The following PIK3R4 variants were observed in gnomAD, a reference collection of about 807,000 sequenced individuals.
PIK3R4 encodes the protein phosphoinositide 3-kinase regulatory subunit 4.
PIK3R4 carries 46 observed loss-of-function variants against 136.5 expected under a neutral mutation model. That is an observed-to-expected ratio of 0.34 (90% CI 0.27 to 0.43). PIK3R4 has a LOEUF of 0.43. PIK3R4 is among the 20% of genes least tolerant of loss of function. The pLI is 1.00. For missense variants in PIK3R4, 1,331 were observed against 1,649.5 expected, an observed-to-expected ratio of 0.81 and a Z score of 3.35; for synonymous variants, 557 against 566.7, an observed-to-expected ratio of 0.98 and a Z score of 0.24.
rs2066729049 is a variant in PIK3R4 at position 130,725,968 on chromosome 3, G to A, written c.1808-2381C>T. The A allele has an allele frequency of 3.3e-5, 5 of 152,208 alleles. No individual in the cohort carries two copies. The South Asian group carries it at 1.0e-3, about 32-fold the overall frequency. 9.4% of individuals were successfully genotyped at this position (152,208 alleles called of 1,614,324 possible). On this transcript the variant is annotated intron_variant, in intron 6 of 19. Transcript: ENST00000356763. Reference sequence around the variant, plus strand: ...TGGGTGTGCAGCACTTAACGGAGATGGGGATGCAAAATGATATCATCTTTT... The same window carrying A: ...TGGGTGTGCAGCACTTAACGGAGATAGGGATGCAAAATGATATCATCTTTT...
intron 9 of PIK3R4, among the ~76,000 whole-genome samples, chr3:130,714,566 G>A (rs959464874): frequency 6.6e-6 from 1 of 152,108 alleles, no homozygotes; most frequent in African/African-American, 2.4e-5. Context: ...ATGGTGGTTT[G>A]CTTCACCTAC....
At chr3:130,699,737 A>T (rs2107605478) in intron 13 of PIK3R4, among the ~76,000 whole-genome samples, 1 of 152,298 alleles carries the variant, frequency 6.6e-6, no homozygotes, top group South Asian at 2.1e-4. Context: ...TGCTTTTCTT[A>T]AACCTAATTT....
rs759678795 is a variant in PIK3R4 at position 130,680,619 on chromosome 3, A to G, written c.3900T>C (p.Val1300=). ...AATGAAAAGACTACAGTACCTGGAC[A>G]ACTTCAGTGCCTTCAATTATTTTCC... ...YYRKIIEGTE[V]VQEIQNKQKV... is the part of the protein sequence containing the mutation. The change falls in exon 19 of 20, where the codon GTT becomes GTC. Residue 1300 remains valine, a synonymous_variant. Coordinates refer to ENST00000356763, the MANE Select transcript of PIK3R4 (RefSeq NM_014602.3). 2 of 1,577,682 alleles carry G rather than the reference A, an allele frequency of 1.3e-6. No individual in the cohort carries two copies. Among genetic ancestry groups the G allele is most frequent in the East Asian group, 4.5e-5 (2 of 44,654 alleles).
chr3:130,681,069 A>T lies in PIK3R4; in HGVS notation c.3709-4T>A, dbSNP rs757574887. The stretch of plus-strand genomic sequence containing the variant: ...CATGGACGCTATGAGGAGAAGGCTT[A>T]AAAGAAATAGATGTGGAGTCAAATA... On this transcript the variant is annotated splice_region_variant and splice_polypyrimidine_tract_variant and intron_variant, in intron 17 of 19. Transcript: ENST00000356763. The T allele has an allele frequency of 2.0e-6, 3 of 1,497,636 alleles. 1 individual carries two copies. In the East Asian group the frequency reaches 6.8e-5, roughly 34 times the overall value. 92.8% of individuals were successfully genotyped at this position (1,497,636 alleles called of 1,614,324 possible).
At chr3:130,728,812 C>T (rs1576461968) in intron 5 of PIK3R4, 128 bp from the exon 6 acceptor site, 1 of 596,734 alleles carries the variant, frequency 1.7e-6, no homozygotes, top group East Asian at 3.2e-5. Flanking sequence ...ACAGAATCCA[C>T]CGAAGACTTT....
In PIK3R4 at chr3:130,680,671, G is replaced by A. The variant is rs2066452209; in HGVS notation, c.3848C>T (p.Thr1283Ile). The change falls in exon 19 of 20, where the codon ACT becomes ATT. Residue 1283 changes from threonine (T) to isoleucine (I), a missense_variant. By Grantham distance (89) the Thr-to-Ile change is moderately conservative. This residue lies in a region of PIK3R4 where 1,180 missense variants were observed against 1,407.0 expected (regional missense o/e 0.84). Transcript: ENST00000356763. The stretch of plus-strand genomic sequence containing the variant: ...GTAGTAGGACACAGATGGGGAACTA[G>A]TACTTCCTGCAACAACATAGGACCT... Reference protein sequence around the residue: ...PERSYVVAGSTSSPSVSYYRK... With the variant: ...PERSYVVAGSISSPSVSYYRK... 1 of 1,613,198 alleles carries A rather than the reference G, an allele frequency of 6.2e-7. No homozygotes were observed. The highest frequency in any genetic ancestry group is 8.5e-7 in the Non-Finnish European group (1 of 1,179,330).
chr3:130,684,446 C>G, intron 15 of PIK3R4, 65 bp from the exon 16 acceptor site: 1 of 1,409,576 alleles, frequency 7.1e-7, no homozygotes, highest in Non-Finnish European at 9.9e-7. Flanking sequence ...TGCATTTATA[C>G]AAATGAAAAA....
At chr3:130,704,485 T>C (rs968414475) in intron 12 of PIK3R4, among the ~76,000 whole-genome samples, 1 of 152,222 alleles carries the variant, frequency 6.6e-6, no homozygotes, top group African/African-American at 2.4e-5. Context: ...TTTACCAGCA[T>C]TTTCCCCAAG....
chr3:130,737,634 T>C (rs1413748550), intron 2 of PIK3R4, among the ~76,000 whole-genome samples: 3 of 152,092 alleles, frequency 2.0e-5, no homozygotes, highest in Admixed American at 1.3e-4. Context: ...CACTCCAGCC[T>C]GGGCAACAGA....
At position 130,690,479 on chromosome 3, in the gene PIK3R4, A is replaced by C; in HGVS notation, c.3263+11T>G. On this transcript the variant is annotated intron_variant, in intron 14 of 19. Transcript: ENST00000356763. ...AAATACAATGTTTAAGAAAGACAAA[A>C]GATAAGATACCTGCTTTGTAGAGGA... The C allele has an allele frequency of 6.3e-7, 1 of 1,599,816 alleles. No individual in the cohort carries two copies. The highest frequency in any genetic ancestry group is 8.5e-7 in the Non-Finnish European group (1 of 1,171,670).
At position 130,730,331 on chromosome 3, in the gene PIK3R4, T is replaced by A. The variant is rs2066754626; in HGVS notation, c.1562A>T (p.His521Leu). Residue 521 changes from histidine to leucine, a missense_variant, in exon 5 of 20, where the codon CAT (histidine) becomes CTT (leucine). By Grantham distance (99) the His-to-Leu change is moderately conservative (BLOSUM62 -3). Transcript: ENST00000356763. Reference sequence around the variant, plus strand: ...ACCTGTGTCATAATTTCCATTTGGATGTGTAACCTCATCTATTTCTTCATT... The same window carrying A: ...ACCTGTGTCATAATTTCCATTTGGAAGTGTAACCTCATCTATTTCTTCATT... ...PNNEEIDEVTHPNGNYDTELQ... is the reference protein window; with the variant it reads ...PNNEEIDEVTLPNGNYDTELQ... The A allele has an allele frequency of 1.3e-6, 2 of 1,593,372 alleles. No homozygotes were observed. The highest frequency in any genetic ancestry group is 2.7e-5 in the African/African-American group (2 of 73,764).
intron 13 of PIK3R4, among the ~76,000 whole-genome samples, chr3:130,696,076 T>C (rs1297965191): frequency 1.3e-5 from 2 of 152,206 alleles, no homozygotes; most frequent in Non-Finnish European, 2.9e-5. Flanking sequence ...CAATTGTTCA[T>C]GGTATTCCTT....
At chr3:130,683,919 T>C (rs2066473661) in intron 16 of PIK3R4, among the ~76,000 whole-genome samples, 1 of 151,868 alleles carries the variant, frequency 6.6e-6, no homozygotes, top group African/African-American at 2.4e-5. Flanking sequence ...CAACAAGAAA[T>C]TGCAACAAAG....
chr3:130,745,407 G>A (rs987229722), intron 1 of PIK3R4, 143 bp from the exon 2 acceptor site: 1 of 481,156 alleles, frequency 2.1e-6, no homozygotes. Flanking sequence ...TAGCCTTCTG[G>A]GGCAGCCTCT....
intron 12 of PIK3R4, among the ~76,000 whole-genome samples, 185 bp from the exon 13 acceptor site, chr3:130,704,073 A>G (rs551225758): frequency 2.6e-5 from 4 of 152,218 alleles, no homozygotes; most frequent in Non-Finnish European, 5.9e-5. Flanking sequence ...TTACTGAGAC[A>G]TCAATTTGGC....
At chr3:130,704,768 G>A (rs2066597096) in intron 12 of PIK3R4, among the ~76,000 whole-genome samples, 1 of 152,018 alleles carries the variant, frequency 6.6e-6, no homozygotes, top group Non-Finnish European at 1.5e-5. Flanking sequence ...AAATTTTAAT[G>A]TTGATCATCG....
chr3:130,739,572 C>T (rs1427949479), intron 2 of PIK3R4, among the ~76,000 whole-genome samples: 1 of 151,920 alleles, frequency 6.6e-6, no homozygotes, highest in Non-Finnish European at 1.5e-5. Flanking sequence ...AGGGTTTCAC[C>T]ATATTGTCCA....
At position 130,744,483 on chromosome 3, in the gene PIK3R4, T is replaced by C. The variant is rs1411152217; in HGVS notation, c.733+3A>G. ...CCTTAGCAAATGTGACCCACTCAAA[T>C]ACCTGCTGAAAAGATGTCCATTGCT... On this transcript the variant is annotated splice_donor_region_variant and intron_variant, in intron 2 of 19. Coordinates refer to ENST00000356763, the MANE Select transcript of PIK3R4 (RefSeq NM_014602.3). 2.5e-6 allele frequency: 4 copies of C among 1,602,840 alleles called. No homozygotes were observed. Among genetic ancestry groups the C allele is most frequent in the Non-Finnish European group, 3.4e-6 (4 of 1,173,766 alleles).
intron 15 of PIK3R4, among the ~76,000 whole-genome samples, chr3:130,685,805 A>C (rs1485601110): frequency 6.6e-6 from 1 of 152,192 alleles, no homozygotes. Context: ...GAAGATGAAG[A>C]TAGCTGAACC....
Sources: allele counts gnomAD v4.1 joint callset (sites outside exome capture counted in the v4.1 genomes callset), GRCh38; gene constraint gnomAD v4.1.1; regional missense constraint gnomAD v4.1.1; transcripts MANE v1.5; gene names NCBI Gene and HGNC (gene_info 2026-07-23, HGNC 2026-07-21).